RNASEH2B: variants seen among roughly 807,000 people sequenced by gnomAD.
RNASEH2B encodes Aicardi-Goutieres syndrome 2 protein.
Under a neutral mutation model 45.0 loss-of-function variants are expected in RNASEH2B, and 36 were observed. The observed-to-expected ratio is 0.80, with a 90% CI of 0.61 to 1.06. RNASEH2B has a LOEUF of 1.06. RNASEH2B is among the 50% of genes least tolerant of loss of function. RNASEH2B has a pLI of 0.00. For missense variants in RNASEH2B, 361 were observed against 360.3 expected, an observed-to-expected ratio of 1.00 and a Z score of -0.02; for synonymous variants, 119 against 125.7, an observed-to-expected ratio of 0.95 and a Z score of 0.35.
At chr13:50,937,156 C>A (rs975747466) in intron 5 of RNASEH2B, 1 of 152,084 alleles carries the variant, frequency 6.6e-6, no homozygotes, top group South Asian at 2.1e-4. Flanking sequence ...TAATAAGCTG[C>A]AGCCTGTGAA....
chr13:50,963,663 T>A (rs1422472207), intron 9 of RNASEH2B, among the ~76,000 whole-genome samples: 1 of 152,218 alleles, frequency 6.6e-6, no homozygotes, highest in Non-Finnish European at 1.5e-5. Context: ...TCTCTTTTAC[T>A]TTATTTTGAA....
chr13:50,948,185 G>T (rs1193282044), intron 8 of RNASEH2B, 117 bp downstream of exon 8: 3 of 1,516,544 alleles, frequency 2.0e-6, no homozygotes, highest in African/African-American at 2.8e-5. Context: ...TTATTCTTCA[G>T]CTATGTCATA....
chr13:50,930,904 G>A (rs893984122), intron 4 of RNASEH2B, 145 bp downstream of exon 4: 1 of 729,250 alleles, frequency 1.4e-6, no homozygotes, highest in Admixed American at 1.9e-5. Context: ...AATCATATGG[G>A]CCAGTGCAGG....
At chr13:50,959,651 C>G (rs1394081264), downstream of RNASEH2B, 1 of 152,110 alleles carries the variant, frequency 6.6e-6, no homozygotes, top group Non-Finnish European at 1.5e-5. Context: ...CGGGGTTTCT[C>G]CATGTTGGTC....
At chr13:50,935,495 C>T (rs1951737900) in intron 5 of RNASEH2B, 1 of 175,884 alleles carries the variant, frequency 5.7e-6, no homozygotes, top group Non-Finnish European at 1.2e-5. Context: ...GCAGTGACCG[C>T]ACAGTGTAAC....
downstream of RNASEH2B, among the ~76,000 whole-genome samples, chr13:50,958,810 G>A (rs1408301505): frequency 6.6e-6 from 1 of 152,058 alleles, no homozygotes; most frequent in East Asian, 1.9e-4. Context: ...ACTATTTGAA[G>A]AATCAGATTA....
chr13:50,915,089 T>C (rs934014184), intron 1 of RNASEH2B, among the ~76,000 whole-genome samples: 4 of 152,200 alleles, frequency 2.6e-5, no homozygotes, highest in African/African-American at 9.7e-5. Context: ...TATCTGTGGT[T>C]TGAGTTACTC....
chr13:50,935,914 G>C (rs1225418572), intron 5 of RNASEH2B: 2 of 152,290 alleles, frequency 1.3e-5, no homozygotes, highest in African/African-American at 4.8e-5. Context: ...CTGTTGCAGT[G>C]ATCCAGACAG....
At chr13:50,937,419 GTC>G (rs1951769214) in intron 5 of RNASEH2B, 1 of 151,750 alleles carries the variant, frequency 6.6e-6, no homozygotes, top group South Asian at 2.1e-4. Context: ...AGATGAGGGG[GTC>G]TCTCTATGTT....
intron 7 of RNASEH2B, among the ~76,000 whole-genome samples, chr13:50,946,824 G>A (rs1331023063): frequency 1.3e-5 from 2 of 152,044 alleles, no homozygotes; most frequent in Admixed American, 6.6e-5. Context: ...TAGATATTTA[G>A]GTTGGTTTGG....
intron 5 of RNASEH2B, chr13:50,937,574 G>C (rs1156556484): frequency 2.6e-5 from 4 of 152,054 alleles, no homozygotes; most frequent in African/African-American, 9.7e-5. Flanking sequence ...ATTCTCAAAT[G>C]CCTCATCCTT....
At chr13:50,938,085 A>T (rs577786534) in intron 5 of RNASEH2B, 1 of 152,378 alleles carries the variant, frequency 6.6e-6, no homozygotes, top group African/African-American at 2.4e-5. Context: ...AAGTTTCAGG[A>T]TACAAGTTCA....
intron 1 of RNASEH2B, among the ~76,000 whole-genome samples, chr13:50,925,324 G>A (rs1382412401): frequency 2.0e-5 from 3 of 151,454 alleles, no homozygotes; most frequent in Non-Finnish European, 4.4e-5. Flanking sequence ...CCCTCTTTCA[G>A]TAATTGATTT....
At chr13:50,927,363 A>G (rs767786162) in intron 1 of RNASEH2B, 44 bp from the exon 2 acceptor site, 3 of 1,182,510 alleles carry the variant, frequency 2.5e-6, no homozygotes, top group East Asian at 2.3e-5. Context: ...GAGCAACAAA[A>G]CAGCTGTGTG....
chr13:50,969,599 A>AT (rs1376371915), intron 9 of RNASEH2B, among the ~76,000 whole-genome samples: 2 of 149,758 alleles, frequency 1.3e-5, no homozygotes, highest in African/African-American at 2.5e-5. Context: ...CTTGTATTTT[A>AT]TTTTTTTTCC....
intron 2 of RNASEH2B, 139 bp from the exon 3 acceptor site, chr13:50,929,335 AG>A: frequency 1.5e-6 from 1 of 665,834 alleles, no homozygotes; most frequent in African/African-American, 1.8e-5. Flanking sequence ...CCTTGGAATC[AG>A]TTTTTTAGAA....
chr13:50,910,211 C>A, intron 1 of RNASEH2B, 71 bp downstream of exon 1: 2 of 1,146,750 alleles, frequency 1.7e-6, no homozygotes, highest in Non-Finnish European at 2.3e-6. Flanking sequence ...CCGGGCGCGC[C>A]GCCCCCCACC....
chr13:50,943,021 T>C, intron 5 of RNASEH2B: 1 of 310,520 alleles, frequency 3.2e-6, no homozygotes, highest in Non-Finnish European at 6.0e-6. Flanking sequence ...ATCAACAAGA[T>C]TATTTTCCTT....
chr13:50,921,688 G>T (rs1951525886), intron 1 of RNASEH2B, among the ~76,000 whole-genome samples: 1 of 152,170 alleles, frequency 6.6e-6, no homozygotes, highest in Non-Finnish European at 1.5e-5. Context: ...AGTCTTCAAA[G>T]TTCAGTGAGG....
Sources: gnomAD v4.1 joint callset for allele counts (sites outside exome capture counted in the v4.1 genomes callset) on GRCh38, gnomAD v4.1.1 for gene constraint, MANE v1.5 for transcripts, NCBI Gene and HGNC (gene_info 2026-07-23, HGNC 2026-07-21) for gene names.